Variants in HPN observed in about 807,000 individuals in gnomAD.
The protein encoded by HPN is serine protease hepsin.
A neutral mutation model predicts 55.9 loss-of-function variants in HPN; 13 were observed. The ratio of observed to expected loss-of-function variants is 0.23; its 90% CI spans 0.15 to 0.37. The LOEUF is 0.37. Ranked by LOEUF, HPN falls within the 10% of genes least tolerant of loss-of-function variation. The pLI, the probability that HPN is intolerant of heterozygous loss-of-function variation, is 1.00. For missense variants in HPN, 451 were observed against 575.8 expected, an observed-to-expected ratio of 0.78 and a Z score of 2.22; for synonymous variants, 225 against 240.3, an observed-to-expected ratio of 0.94 and a Z score of 0.59.
At position 35,066,245 on chromosome 19, in the gene HPN, C is replaced by T. The variant is rs756502595; in HGVS notation, c.1216-4C>T. ...CTCGGGAGCCCCCAGCTGTCTTTCC[C>T]CAGACTCACTCCGAAGCCAGCGGCA... On this transcript the variant is annotated splice_polypyrimidine_tract_variant and splice_region_variant and intron_variant, in intron 12 of 12. Coordinates refer to ENST00000672452, the MANE Select transcript of HPN (RefSeq NM_001384133.1). The T allele has an allele frequency of 4.3e-6, 7 of 1,613,976 alleles. No individual in the cohort carries two copies. Among genetic ancestry groups the T allele is most frequent in the Non-Finnish European group, 5.1e-6 (6 of 1,179,950 alleles).
chr19:35,044,510 T>G (rs2064322656), intron 2 of HPN, among the ~76,000 whole-genome samples: 1 of 152,114 alleles, frequency 6.6e-6, no homozygotes, highest in South Asian at 2.1e-4. Context: ...AGCTGGCCAA[T>G]TCCTTGCAGT....
chr19:35,050,426 TA>T (rs57035236), intron 4 of HPN: 967,040 of 1,081,914 alleles, frequency 0.89, 433,496 homozygotes, highest in Admixed American at 0.95. Flanking sequence ...CTGTCCCTGG[TA>T]ATTAGCTCCA....
chr19:35,046,436 G>A (rs2064342851), intron 2 of HPN, among the ~76,000 whole-genome samples: 2 of 152,022 alleles, frequency 1.3e-5, no homozygotes, highest in Non-Finnish European at 2.9e-5. Context: ...GTAGAGGCGG[G>A]GTTTCACCAT....
chr19:35,063,805 T>C (rs2064565885), intron 9 of HPN, among the ~76,000 whole-genome samples: 3 of 152,088 alleles, frequency 2.0e-5, no homozygotes, highest in Non-Finnish European at 4.4e-5. Context: ...GGCTTTGGGG[T>C]CAGATTCAGA....
At chr19:35,049,143 C>T in intron 2 of HPN, 147 bp from the exon 3 acceptor site, 1 of 498,616 alleles carries the variant, frequency 2.0e-6, no homozygotes, top group African/African-American at 2.0e-5. Context: ...GCCCTGTCAA[C>T]TGCTGGCCCC....
intron 2 of HPN, among the ~76,000 whole-genome samples, chr19:35,044,803 G>A (rs879855018): frequency 1.3e-5 from 2 of 152,138 alleles, no homozygotes; most frequent in African/African-American, 2.4e-5. Flanking sequence ...GGACAGGTTG[G>A]ATTTGGTGTC....
chr19:35,060,071 C>G, intron 6 of HPN, 58 bp from the exon 7 acceptor site: 1 of 1,614,032 alleles, frequency 6.2e-7, no homozygotes, highest in Non-Finnish European at 8.5e-7. Flanking sequence ...TTCCTTCCAC[C>G]TGTCTTAACT....
chr19:35,046,799 G>A (rs1188576881), intron 2 of HPN, among the ~76,000 whole-genome samples: 1 of 152,076 alleles, frequency 6.6e-6, no homozygotes, highest in African/African-American at 2.4e-5. Flanking sequence ...CCCTAGTGAA[G>A]GGGTTGGCTT....
intron 4 of HPN, among the ~76,000 whole-genome samples, chr19:35,056,953 T>C (rs2064461291): frequency 6.6e-6 from 1 of 152,298 alleles, no homozygotes; most frequent in South Asian, 2.1e-4. Context: ...ATATTGATTA[T>C]CAATCTGGCA....
At chr19:35,063,051 T>G (rs1343798934) in intron 9 of HPN, among the ~76,000 whole-genome samples, 1 of 152,190 alleles carries the variant, frequency 6.6e-6, no homozygotes, top group Non-Finnish European at 1.5e-5. Context: ...AATAATCTGG[T>G]AAACATAGCA....
rs762906547 is a variant in HPN, at chr19:35,065,724, C to T, written c.1050+43C>T. On this transcript the variant is annotated intron_variant, in intron 11 of 12. Coordinates refer to ENST00000672452, the MANE Select transcript of HPN (RefSeq NM_001384133.1). ...GGCAGCCCCCTGGTCGCTGCCACCC[C>T]AGGGATGGAGATGCAGGGGAGTGGG... 5 of 1,611,958 alleles carry T rather than the reference C, an allele frequency of 3.1e-6. No homozygotes were observed. The African/African-American group carries it at 6.7e-5, about 22-fold the overall frequency.
At position 35,048,082 on chromosome 19, in the gene HPN, A is replaced by AAGAAAAAAGGAAGG; in HGVS notation, c.17-1207_17-1206insGAAAAAAGGAAGGA. On this transcript the variant is annotated intron_variant, in intron 2 of 12. Transcript: ENST00000672452. ...AAAGAAAGAAAGAAAGAAAGAAAGA[A>AAGAAAAAAGGAAGG]AAGGAAGGAAGGAAGGAAAAGAAAA... Among the ~76,000 whole-genome samples, 2 of 97,034 alleles carry AAGAAAAAAGGAAGG rather than the reference A, an allele frequency of 2.1e-5. 1 individual carries two copies. The highest frequency in any genetic ancestry group is 2.3e-4 in the Admixed American group (2 of 8,520). 63.7% of individuals were successfully genotyped at this position (97,034 alleles called of 152,430 possible).
At chr19:35,057,164 G>A (rs1568360287) in intron 4 of HPN, among the ~76,000 whole-genome samples, 1 of 152,134 alleles carries the variant, frequency 6.6e-6, no homozygotes, top group Non-Finnish European at 1.5e-5. Flanking sequence ...AGTAGCTCAC[G>A]CCTGTCATCC....
At position 35,065,560 on chromosome 19, in the gene HPN, A is replaced by G; in HGVS notation, c.929A>G (p.Gln310Arg). ...QYYGQQAGVL[Q>R]EARVPIISND... The stretch of plus-strand genomic sequence containing the variant: ...CCAGGCCAACAGGCCGGGGTACTCC[A>G]GGAGGCTCGAGTCCCCATAATCAGC... Residue 310 changes from glutamine to arginine, a missense_variant, in exon 11 of 13, where the codon CAG becomes CGG. Coordinates refer to ENST00000672452, the MANE Select transcript of HPN (RefSeq NM_001384133.1). 2.5e-6 allele frequency: 4 copies of G among 1,614,108 alleles called. No individual in the cohort carries two copies. Among genetic ancestry groups the G allele is most frequent in the Non-Finnish European group, 3.4e-6 (4 of 1,180,010 alleles).
At chr19:35,045,287 A>G (rs1217134978) in intron 2 of HPN, among the ~76,000 whole-genome samples, 2 of 152,014 alleles carry the variant, frequency 1.3e-5, no homozygotes, top group African/African-American at 2.4e-5. Context: ...CGGAGTAGGT[A>G]GAGGGTGGGT....
At chr19:35,058,528 A>C (rs2064482612) in intron 4 of HPN, among the ~76,000 whole-genome samples, 1 of 147,420 alleles carries the variant, frequency 6.8e-6, no homozygotes, top group Non-Finnish European at 1.5e-5. Flanking sequence ...ATATTATATT[A>C]TAACAATATA....
At chr19:35,053,252 A>G (rs989907412) in intron 4 of HPN, among the ~76,000 whole-genome samples, 9 of 152,066 alleles carry the variant, frequency 5.9e-5, no homozygotes, top group African/African-American at 1.9e-4. Context: ...ACATCTATAA[A>G]GTGATTTTCC....
chr19:35,041,702 C>T, upstream of HPN: 1 of 1,140,326 alleles, frequency 8.8e-7, no homozygotes, highest in Non-Finnish European at 1.1e-6. Context: ...CCGCCCCTCG[C>T]CCAGCCCCCT....
intron 9 of HPN, among the ~76,000 whole-genome samples, chr19:35,064,513 A>G (rs2064577462): frequency 6.6e-6 from 1 of 151,128 alleles, no homozygotes; most frequent in South Asian, 2.1e-4. Flanking sequence ...CTGTAATCCC[A>G]GTGCTTTGGG....
Sources: allele counts gnomAD v4.1 joint callset (sites outside exome capture counted in the v4.1 genomes callset), GRCh38; gene constraint gnomAD v4.1.1; transcripts MANE v1.5; gene names NCBI Gene and HGNC (gene_info 2026-07-23, HGNC 2026-07-21).